TBCD: variants seen among roughly 807,000 people sequenced by gnomAD.
The protein encoded by TBCD is tubulin-specific chaperone D.
Under a neutral mutation model 169.3 loss-of-function variants are expected in TBCD, and 105 were observed. That is an observed-to-expected ratio of 0.62 (90% CI 0.53 to 0.73). The LOEUF (loss-of-function observed/expected upper bound fraction) is 0.73. Among genes scored for constraint, TBCD ranks in the 30% least tolerant of loss-of-function variants. The probability of loss-of-function intolerance (pLI) is 0.00; values close to 1 mark genes in which losing one functional copy is unlikely to be tolerated. For missense variants in TBCD, 1,444 were observed against 1,600.1 expected (o/e 0.90, Z 1.66); for synonymous variants, 700 against 643.9 (o/e 1.09, Z -1.32).
intron 1 of TBCD, among the ~76,000 whole-genome samples, chr17:82,753,145 G>T (rs1412534018): frequency 2.6e-5 from 4 of 152,176 alleles, no homozygotes; most frequent in Admixed American, 2.0e-4. Flanking sequence ...GACCCTTTGA[G>T]TAAGAAGAAC....
intron 37 of TBCD, among the ~76,000 whole-genome samples, chr17:82,940,759 T>TTA (rs397857054): frequency 2.0e-4 from 30 of 151,544 alleles, no homozygotes; most frequent in South Asian, 4.2e-4. Flanking sequence ...ATGATTTTTT[T>TTA]AAAAAAAAAC....
At chr17:82,823,914 A>T (rs1378108123) in intron 13 of TBCD, among the ~76,000 whole-genome samples, 1 of 152,098 alleles carries the variant, frequency 6.6e-6, no homozygotes, top group Admixed American at 6.5e-5. Flanking sequence ...CCAGATTAAG[A>T]AGTCACTCGC....
chr17:82,790,200 C>T (rs771840813), intron 7 of TBCD, among the ~76,000 whole-genome samples: 13 of 152,126 alleles, frequency 8.5e-5, no homozygotes, highest in East Asian at 1.9e-4. Flanking sequence ...CTGGGCTCCC[C>T]GACTACCCTC....
intron 14 of TBCD, among the ~76,000 whole-genome samples, chr17:82,883,523 C>T (rs1599194498): frequency 1.3e-5 from 2 of 152,212 alleles, no homozygotes; most frequent in East Asian, 3.9e-4. Flanking sequence ...CGCATGGGGG[C>T]AGCGCCTTGG....
chr17:82,793,358 C>G (rs1441533751), intron 7 of TBCD, among the ~76,000 whole-genome samples: 1 of 152,220 alleles, frequency 6.6e-6, no homozygotes, highest in Non-Finnish European at 1.5e-5. Context: ...TTTCTGAGCG[C>G]TCTCCCGTCC....
Position 82,768,371 on chromosome 17 carries a change from C to T in TBCD, c.436-49C>T, listed in dbSNP as rs138306254. The T allele has an allele frequency of 2.5e-5, 40 of 1,608,944 alleles. 1 individual carries two copies. In the Middle Eastern group the frequency reaches 8.3e-4, roughly 33 times the overall value. On this transcript the variant is annotated intron_variant, in intron 4 of 38. Coordinates refer to ENST00000355528, the MANE Select transcript of TBCD (RefSeq NM_005993.5). ...ACTTTGAGTAGATTGTGGCCAGTGG[C>T]CTGTGATTTTCAAGCAAGACTCATT...
intron 17 of TBCD, chr17:82,900,438 A>G: frequency 2.0e-6 from 1 of 503,952 alleles, no homozygotes; most frequent in Non-Finnish European, 3.5e-6. Context: ...TCGCCGTTAC[A>G]CATGAAGCTG....
At chr17:82,929,673 G>A (rs1399163642) in intron 32 of TBCD, 173 bp downstream of exon 32, 2 of 896,014 alleles carry the variant, frequency 2.2e-6, no homozygotes, top group Non-Finnish European at 3.5e-6. Flanking sequence ...TGACCCAGGA[G>A]GCTTAGGGCC....
At chr17:82,804,898 A>G (rs965080172) in intron 9 of TBCD, among the ~76,000 whole-genome samples, 1 of 152,196 alleles carries the variant, frequency 6.6e-6, no homozygotes, top group Non-Finnish European at 1.5e-5. Flanking sequence ...AGCTAGGATG[A>G]GTCATTCGAA....
At chr17:82,840,611 T>C (rs2054388938) in intron 13 of TBCD, 1 of 152,246 alleles carries the variant, frequency 6.6e-6, no homozygotes, top group Admixed American at 6.5e-5. Context: ...CTGCCGGAGC[T>C]TGCCCGACAC....
rs986355476 is a variant in TBCD at position 82,800,521 on chromosome 17, C to T, written c.818-343C>T. ...CCGGCCACAGCATGCCCGTGGCCTG[C>T]GTGGTCTCTGTGGCCGCAGGATGCC... On this transcript the variant is annotated intron_variant, in intron 8 of 38. Coordinates refer to ENST00000355528, the MANE Select transcript of TBCD (RefSeq NM_005993.5). 2.0e-5 allele frequency among the ~76,000 whole-genome samples: 3 copies of T among 151,394 alleles called. No homozygotes were observed. The East Asian group carries it at 5.8e-4, about 29-fold the overall frequency.
intron 9 of TBCD, 49 bp from the exon 10 acceptor site, chr17:82,805,826 G>T: frequency 6.4e-7 from 1 of 1,569,600 alleles, no homozygotes; most frequent in Non-Finnish European, 8.7e-7. Context: ...CCAGTCATCA[G>T]GATGCTGTGA....
chr17:82,753,282 C>A (rs1380477194), intron 1 of TBCD, among the ~76,000 whole-genome samples: 1 of 151,976 alleles, frequency 6.6e-6, no homozygotes. Context: ...TGAATTCTGG[C>A]CCTGTCGCTT....
intron 13 of TBCD, among the ~76,000 whole-genome samples, chr17:82,857,000 G>T (rs560597890): frequency 2.6e-5 from 4 of 151,822 alleles, no homozygotes. Context: ...TCGCTGGACC[G>T]CGTGCGGACC....
At chr17:82,846,408 C>T (rs887284986) in intron 13 of TBCD, among the ~76,000 whole-genome samples, 9 of 152,180 alleles carry the variant, frequency 5.9e-5, no homozygotes, top group Admixed American at 6.5e-5. Context: ...CTCTGCTGCC[C>T]GCTGCTCTCT....
intron 22 of TBCD, among the ~76,000 whole-genome samples, chr17:82,910,897 G>A (rs1283146248): frequency 6.6e-6 from 1 of 152,200 alleles, no homozygotes; most frequent in African/African-American, 2.4e-5. Context: ...CTTGTGTGGG[G>A]TAGTGAACCT....
At chr17:82,778,223 T>C (rs1042045491) in intron 6 of TBCD, among the ~76,000 whole-genome samples, 1 of 152,254 alleles carries the variant, frequency 6.6e-6, no homozygotes, top group Non-Finnish European at 1.5e-5. Flanking sequence ...TTTTATTATA[T>C]TGGAACAGCT....
At position 82,840,997 on chromosome 17, in the gene TBCD, A is replaced by C. The variant is rs1329077600; in HGVS notation, c.1318+26063A>C. 2.0e-4 allele frequency among the ~76,000 whole-genome samples: 21 copies of C among 106,550 alleles called. No homozygotes were observed. In the Admixed American group the frequency reaches 2.8e-3, roughly 14 times the overall value. 69.9% of individuals were successfully genotyped at this position (106,550 alleles called of 152,430 possible). A position where few individuals can be genotyped will look rare whatever the true frequency, so the allele number is the denominator to read the frequency against. On this transcript the variant is annotated intron_variant, in intron 13 of 38. Coordinates refer to ENST00000355528, the MANE Select transcript of TBCD (RefSeq NM_005993.5). ...TTTTTTTTTTTTGAGACAGAGTTTCACTGTTGCTGCCCAGGCTGGAGTGCA... is the reference window on the plus strand; with the variant it reads ...TTTTTTTTTTTTGAGACAGAGTTTCCCTGTTGCTGCCCAGGCTGGAGTGCA...
chr17:82,908,544 A>G, intron 21 of TBCD: 1 of 326,094 alleles, frequency 3.1e-6, no homozygotes, highest in Non-Finnish European at 6.0e-6. Flanking sequence ...ATATTCTTTA[A>G]GATTCAGCTC....
Sources: allele counts gnomAD v4.1 joint callset (sites outside exome capture counted in the v4.1 genomes callset), GRCh38; gene constraint gnomAD v4.1.1; transcripts MANE v1.5; gene names NCBI Gene and HGNC (gene_info 2026-07-23, HGNC 2026-07-21).